RGS7: variants seen among roughly 807,000 people sequenced by gnomAD.
The protein encoded by RGS7 is regulator of G protein signaling 7, also known as regulator of G-protein signaling 7.
Under a neutral mutation model 81.1 loss-of-function variants are expected in RGS7, and 27 were observed. That is an observed-to-expected ratio of 0.33 (90% CI 0.25 to 0.46). The LOEUF (loss-of-function observed/expected upper bound fraction) is 0.46. Ranked by LOEUF, RGS7 falls within the 20% of genes least tolerant of loss-of-function variation. RGS7 has a pLI of 1.00. For synonymous variants in RGS7, 208 were observed against 207.7 expected, an observed-to-expected ratio of 1.00 and a Z score of -0.01; for missense variants, 396 against 607.4, an observed-to-expected ratio of 0.65 and a Z score of 3.66.
At chr1:240,793,611 A>ATATATATATATATATATATATTTTT in intron 18 of RGS7, among the ~76,000 whole-genome samples, 17 of 78,790 alleles carry the variant, frequency 2.2e-4, no homozygotes, top group South Asian at 4.2e-4. Flanking sequence ...ATATATATAT[A>ATATATATATATATATATATATTTTT]TTTTTTTTTT....
At chr1:240,845,306 A>G (rs2147900204) in intron 9 of RGS7, among the ~76,000 whole-genome samples, 1 of 152,352 alleles carries the variant, frequency 6.6e-6, no homozygotes, top group Non-Finnish European at 1.5e-5. Flanking sequence ...GGGACAATGG[A>G]CATATACTGC....
At position 241,156,086 on chromosome 1, in the gene RGS7, A is replaced by G. The variant is rs920370496; in HGVS notation, c.79-57324T>C. On this transcript the variant is annotated intron_variant, in intron 2 of 18. Transcript: ENST00000440928. ...CCTAAATTTACACACGCACGCACAC[A>G]CACACACACACACACACCTGAGATA... Among the ~76,000 whole-genome samples the G allele has an allele frequency of 1.3e-3, 197 of 151,830 alleles. 2 individuals carry two copies. The highest frequency in any genetic ancestry group is 4.6e-3 in the African/African-American group (189 of 41,388).
chr1:241,113,809 G>A (rs557766115), intron 2 of RGS7, among the ~76,000 whole-genome samples: 1 of 152,182 alleles, frequency 6.6e-6, no homozygotes, highest in East Asian at 1.9e-4. Context: ...CCTTCTTTCT[G>A]TGCAAACTCT....
chr1:241,097,325 A>G (rs2064333956), intron 3 of RGS7, among the ~76,000 whole-genome samples: 1 of 152,108 alleles, frequency 6.6e-6, no homozygotes, highest in South Asian at 2.1e-4. Flanking sequence ...TGGGCATAAG[A>G]GGGAGTAACA....
chr1:241,117,535 T>C (rs1161912483), intron 2 of RGS7, among the ~76,000 whole-genome samples: 1 of 152,182 alleles, frequency 6.6e-6, no homozygotes, highest in African/African-American at 2.4e-5. Flanking sequence ...GGAGGGATCT[T>C]TGATTTGTGC....
chr1:240,965,697 G>A (rs1682174798), intron 4 of RGS7, among the ~76,000 whole-genome samples: 1 of 152,174 alleles, frequency 6.6e-6, no homozygotes, highest in Admixed American at 6.5e-5. Context: ...GGCTGGGTGG[G>A]ACAGCAGGGG....
chr1:240,836,210 C>G (rs773561392), intron 9 of RGS7, among the ~76,000 whole-genome samples: 2 of 152,088 alleles, frequency 1.3e-5, no homozygotes, highest in East Asian at 3.9e-4. Flanking sequence ...GAATTCAGTA[C>G]TTTCCACTTA....
chr1:241,204,200 G>T (rs920449102), intron 2 of RGS7, among the ~76,000 whole-genome samples: 15 of 152,184 alleles, frequency 9.9e-5, no homozygotes, highest in African/African-American at 3.1e-4. Context: ...CTCAGAAATG[G>T]CACAAAGAAA....
At chr1:241,200,792 A>G (rs1023721005) in intron 2 of RGS7, among the ~76,000 whole-genome samples, 2 of 152,164 alleles carry the variant, frequency 1.3e-5, no homozygotes, top group Admixed American at 1.3e-4. Context: ...ACATTTCCCA[A>G]GATTCTGTTC....
At chr1:241,265,122 C>T (rs769112981) in intron 2 of RGS7, among the ~76,000 whole-genome samples, 2 of 152,240 alleles carry the variant, frequency 1.3e-5, no homozygotes, top group African/African-American at 4.8e-5. Context: ...AAGCCTACCT[C>T]CCACATCCCC....
intron 3 of RGS7, among the ~76,000 whole-genome samples, chr1:241,078,542 TTTG>T (rs1011573143): frequency 5.3e-5 from 8 of 151,396 alleles, no homozygotes; most frequent in Admixed American, 4.0e-4. Flanking sequence ...TGGTAGCACT[TTTG>T]TTGTTGTTGT....
chr1:240,933,687 T>A (rs1037722786), intron 5 of RGS7, among the ~76,000 whole-genome samples: 3 of 151,998 alleles, frequency 2.0e-5, no homozygotes, highest in Non-Finnish European at 4.4e-5. Context: ...TTAGCTAGGA[T>A]GAAACTCATC....
At chr1:241,249,138 AT>A (rs1253609484) in intron 2 of RGS7, among the ~76,000 whole-genome samples, 2 of 151,774 alleles carry the variant, frequency 1.3e-5, no homozygotes, top group Admixed American at 6.6e-5. Flanking sequence ...TAACTTATTG[AT>A]TTTTTTTGGT....
intron 3 of RGS7, among the ~76,000 whole-genome samples, chr1:240,989,074 C>T (rs919850434): frequency 2.6e-5 from 4 of 152,078 alleles, no homozygotes; most frequent in Admixed American, 6.5e-5. Context: ...ATAACATGAG[C>T]GACTGCTGCT....
At chr1:241,179,008 C>A (rs2071384597) in intron 2 of RGS7, among the ~76,000 whole-genome samples, 1 of 152,214 alleles carries the variant, frequency 6.6e-6, no homozygotes, top group African/African-American at 2.4e-5. Context: ...GGTGCCTGCA[C>A]TGGCTGTACT....
chr1:240,888,340 C>T (rs1667722266), intron 6 of RGS7, among the ~76,000 whole-genome samples: 1 of 152,150 alleles, frequency 6.6e-6, no homozygotes, highest in Non-Finnish European at 1.5e-5. Flanking sequence ...GGGCTAATTG[C>T]ATGAGGTGCT....
At chr1:241,302,124 A>T (rs1219648445) in intron 2 of RGS7, among the ~76,000 whole-genome samples, 2 of 152,210 alleles carry the variant, frequency 1.3e-5, no homozygotes, top group Non-Finnish European at 2.9e-5. Context: ...TCTGGGGGAA[A>T]GTATTCTGAG....
At chr1:240,777,237 G>A (rs569829687) in intron 18 of RGS7, among the ~76,000 whole-genome samples, 130 of 151,912 alleles carry the variant, frequency 8.6e-4, no homozygotes, top group African/African-American at 1.4e-3. Flanking sequence ...GGCTGAGATC[G>A]CGCCACTACA....
intron 4 of RGS7, among the ~76,000 whole-genome samples, chr1:240,955,693 G>C (rs1005182470): frequency 6.6e-6 from 1 of 151,900 alleles, no homozygotes; most frequent in Admixed American, 6.6e-5. Flanking sequence ...ACAGAAAAGA[G>C]AGTCCAGGTA....
Sources: gnomAD v4.1 joint callset for allele counts (sites outside exome capture counted in the v4.1 genomes callset) on GRCh38, gnomAD v4.1.1 for gene constraint, MANE v1.5 for transcripts, NCBI Gene and HGNC (gene_info 2026-07-23, HGNC 2026-07-21) for gene names.